The following OR51D1 variants were observed in gnomAD, a reference collection of about 807,000 sequenced individuals.
OR51D1 encodes the protein olfactory receptor 51D1.
For synonymous variants in OR51D1, 187 were observed against 161.1 expected, an observed-to-expected ratio of 1.16 and a Z score of -1.22; for missense variants, 452 against 396.2, an observed-to-expected ratio of 1.14 and a Z score of -1.20.
chr11:4,640,578 T>C lies in OR51D1; in HGVS notation c.788T>C (p.Val263Ala), dbSNP rs760377673. ...TCISHLCAVL[V>A]FYVPLIGLSV... The stretch of plus-strand genomic sequence containing the variant: ...ATCTCCCACCTCTGTGCTGTTCTGG[T>C]CTTCTATGTACCCCTCATTGGGCTC... The change falls in exon 2 of 2, where the codon GTC becomes GCC. Residue 263 changes from valine to alanine, a missense_variant. Val to Ala is a moderately conservative substitution (Grantham distance 64). Transcript: ENST00000641817. The C allele has an allele frequency of 1.2e-6, 2 of 1,613,708 alleles. No homozygotes were observed. Among genetic ancestry groups the C allele is most frequent in the Non-Finnish European group, 1.7e-6 (2 of 1,179,940 alleles).
intron 1 of OR51D1, among the ~76,000 whole-genome samples, chr11:4,638,495 C>T (rs1010746885): frequency 3.3e-5 from 5 of 152,136 alleles, no homozygotes; most frequent in African/African-American, 1.2e-4. Flanking sequence ...CCTGTGAACA[C>T]TGTGGAGTAA....
In OR51D1 at chr11:4,642,472, C is replaced by T. The variant is rs1000204942; in HGVS notation, c.*1707C>T. On this transcript the variant is annotated 3_prime_UTR_variant, in exon 2 of 2. Coordinates refer to ENST00000641817, the MANE Select transcript of OR51D1 (RefSeq NM_001004751.3). ...AGTTGGGAGGCTGAGGCAGGAGAAA[C>T]GCTTGAGCCCGCAAGGTGGAGGTTG... The T allele has an allele frequency of 6.1e-5, 9 of 147,678 alleles. No individual in the cohort carries two copies. Among genetic ancestry groups the T allele is most frequent in the Non-Finnish European group, 1.2e-4 (8 of 67,434 alleles). The allele number at this position is 147,678 out of a possible 1,614,324, so 9.1% of individuals were successfully genotyped here. A position where few individuals can be genotyped will look rare whatever the true frequency, so the allele number is the denominator to read the frequency against.
chr11:4,637,961 A>G (rs1200956104), intron 1 of OR51D1, among the ~76,000 whole-genome samples: 4 of 152,146 alleles, frequency 2.6e-5, no homozygotes, highest in Admixed American at 2.6e-4. Context: ...CTGGAAAGCT[A>G]TGGGAATCAC....
In OR51D1 at chr11:4,640,466, T is replaced by A. The variant is rs1381267143; in HGVS notation, c.676T>A (p.Phe226Ile). The change falls in exon 2 of 2, where the codon TTC becomes ATC. Residue 226 changes from phenylalanine (F) to isoleucine (I), a missense_variant. Coordinates refer to ENST00000641817, the MANE Select transcript of OR51D1 (RefSeq NM_001004751.3). ...CTCAGTCATGGGTGTGGACTCTCTC[T>A]TCATTGGCTTCTCATATATCCTCAT... ...ILSVMGVDSL[F>I]IGFSYILILW... is the part of the protein sequence containing the mutation. 6 of 1,614,144 alleles carry A rather than the reference T, an allele frequency of 3.7e-6. No individual in the cohort carries two copies. The highest frequency in any genetic ancestry group is 5.1e-6 in the Non-Finnish European group (6 of 1,180,018).
At position 4,642,351 on chromosome 11, in the gene OR51D1, T is replaced by C. The variant is rs1846978244; in HGVS notation, c.*1586T>C. 1 of 152,190 alleles carries C rather than the reference T, an allele frequency of 6.6e-6. No homozygotes were observed. Among genetic ancestry groups the C allele is most frequent in the African/African-American group, 2.4e-5 (1 of 41,418 alleles). 9.4% of individuals were successfully genotyped at this position (152,190 alleles called of 1,614,324 possible). Reference sequence around the variant, plus strand: ...TCACCTCTCCCTTCCCTTTTTGGCTTATCTGCCAAACATGTATAAAAGTCC... The same window carrying C: ...TCACCTCTCCCTTCCCTTTTTGGCTCATCTGCCAAACATGTATAAAAGTCC... On this transcript the variant is annotated 3_prime_UTR_variant, in exon 2 of 2. Coordinates refer to ENST00000641817, the MANE Select transcript of OR51D1 (RefSeq NM_001004751.3).
intron 1 of OR51D1, among the ~76,000 whole-genome samples, chr11:4,639,323 G>A (rs1249575280): frequency 6.6e-6 from 1 of 152,182 alleles, no homozygotes; most frequent in African/African-American, 2.4e-5. Flanking sequence ...AAAGTCAGCT[G>A]TAGACTGAGC....
rs1846972055 is a variant in OR51D1, at chr11:4,641,831, T to G, written c.*1066T>G. The G allele has an allele frequency of 6.6e-6, 1 of 152,398 alleles. No homozygotes were observed. The highest frequency in any genetic ancestry group is 1.5e-5 in the Non-Finnish European group (1 of 68,038). 9.4% of individuals were successfully genotyped at this position (152,398 alleles called of 1,614,324 possible). ...ATATGTGTTATTAGTTGTAAGTCGGTGAAATGTACATCTGAATTCTGTGTG... is the reference window on the plus strand; with the variant it reads ...ATATGTGTTATTAGTTGTAAGTCGGGGAAATGTACATCTGAATTCTGTGTG... On this transcript the variant is annotated 3_prime_UTR_variant, in exon 2 of 2. Transcript: ENST00000641817.
chr11:4,639,573 G>A (rs1846936035), intron 1 of OR51D1: 3 of 579,016 alleles, frequency 5.2e-6, no homozygotes. Flanking sequence ...CTGGGGCCTT[G>A]GAGGGTCAGG....
intron 1 of OR51D1, among the ~76,000 whole-genome samples, chr11:4,639,442 A>G (rs2133218697): frequency 6.6e-6 from 1 of 152,310 alleles, no homozygotes; most frequent in Non-Finnish European, 1.5e-5. Flanking sequence ...GGAAAAGGCT[A>G]AGAGCAGTGC....
chr11:4,639,093 G>T (rs1050172075), intron 1 of OR51D1, among the ~76,000 whole-genome samples: 1 of 152,302 alleles, frequency 6.6e-6, no homozygotes, highest in South Asian at 2.1e-4. Context: ...ACCTGGCGGG[G>T]CTTATTGTTT....
At position 4,640,712 on chromosome 11, in the gene OR51D1, A is replaced by T. The variant is rs1428669207; in HGVS notation, c.922A>T (p.Thr308Ser). 3.1e-6 allele frequency: 5 copies of T among 1,613,730 alleles called. No individual in the cohort carries two copies. Among genetic ancestry groups the T allele is most frequent in the Admixed American group, 3.3e-5 (2 of 59,996 alleles). Reference protein sequence around the residue: ...VVNPLVYGAKTKEICSRVLCM... With the variant: ...VVNPLVYGAKSKEICSRVLCM... ...CAACCCCCTTGTCTATGGAGCCAAG[A>T]CCAAAGAGATCTGTTCAAGGGTCCT... The change falls in exon 2 of 2, where the codon ACC becomes TCC. Residue 308 changes from threonine to serine, a missense_variant. Coordinates refer to ENST00000641817, the MANE Select transcript of OR51D1 (RefSeq NM_001004751.3).
At position 4,641,912 on chromosome 11, in the gene OR51D1, G is replaced by C. The variant is rs1846972833; in HGVS notation, c.*1147G>C. 6.6e-6 allele frequency: 1 copy of C among 152,416 alleles called. No homozygotes were observed. The highest frequency in any genetic ancestry group is 1.5e-5 in the Non-Finnish European group (1 of 68,044). 9.4% of individuals were successfully genotyped at this position (152,416 alleles called of 1,614,324 possible). A position where few individuals can be genotyped will look rare whatever the true frequency, so the allele number is the denominator to read the frequency against. Reference sequence around the variant, plus strand: ...CATATGTCTAGTGTATATGTTTTAAGGCAAACTTTCTTTGTGTGTTGGGTG... The same window carrying C: ...CATATGTCTAGTGTATATGTTTTAACGCAAACTTTCTTTGTGTGTTGGGTG... On this transcript the variant is annotated 3_prime_UTR_variant, in exon 2 of 2. Transcript: ENST00000641817.
rs1430310711 is a variant in OR51D1 at position 4,639,931 on chromosome 11, G to T, written c.141G>T (p.Met47Ile). ...HFWLAFPLCF[M>I]YALATLGNLT... is the part of the protein sequence containing the mutation. ...GGCTGGCTTTCCCACTGTGTTTTAT[G>T]TATGCCTTGGCCACCCTGGGTAACC... The change falls in exon 2 of 2, where the codon ATG becomes ATT. Residue 47 changes from methionine (M) to isoleucine (I), a missense_variant. Met to Ile is a conservative substitution (Grantham distance 10, BLOSUM62 1). Coordinates refer to ENST00000641817, the MANE Select transcript of OR51D1 (RefSeq NM_001004751.3). 8.7e-6 allele frequency: 14 copies of T among 1,614,168 alleles called. No homozygotes were observed. The highest frequency in any genetic ancestry group is 1.7e-5 in the Admixed American group (1 of 60,016).
At position 4,640,768 on chromosome 11, in the gene OR51D1, C is replaced by T. The variant is rs766662839; in HGVS notation, c.*3C>T. The T allele has an allele frequency of 4.4e-6, 7 of 1,604,586 alleles. No homozygotes were observed. On this transcript the variant is annotated 3_prime_UTR_variant, in exon 2 of 2. Transcript: ENST00000641817. ...TGTTCTCACAAGGTGGCAAGTGAGA[C>T]ACCTTAGTGTCTCGCTTCTACTACT... is the stretch of plus-strand genomic sequence containing the variant.
At chr11:4,638,442 G>A (rs907228859) in intron 1 of OR51D1, among the ~76,000 whole-genome samples, 3 of 151,546 alleles carry the variant, frequency 2.0e-5, no homozygotes, top group Non-Finnish European at 2.9e-5. Flanking sequence ...CTGGGACGTT[G>A]TGTGATCACC....
intron 1 of OR51D1, among the ~76,000 whole-genome samples, chr11:4,639,455 TGGGCAGCAACA>T (rs1846934331): frequency 1.3e-5 from 2 of 152,226 alleles, no homozygotes; most frequent in African/African-American, 4.8e-5. Flanking sequence ...AGCAGTGCCC[TGGGCAGCAACA>T]TCAGCTCTGA....
chr11:4,640,480 A>G lies in OR51D1; in HGVS notation c.690A>G (p.Ser230=), dbSNP rs763929505. The G allele has an allele frequency of 3.7e-6, 6 of 1,613,118 alleles. No individual in the cohort carries two copies. The highest frequency in any genetic ancestry group is 3.3e-5 in the South Asian group (3 of 91,032). The change falls in exon 2 of 2, where the codon TCA becomes TCG. Residue 230 remains serine (S), a synonymous_variant. Transcript: ENST00000641817. ...MGVDSLFIGF[S]YILILWAVLE... ...TGGACTCTCTCTTCATTGGCTTCTC[A>G]TATATCCTCATCCTGTGGGCTGTTT... is the stretch of plus-strand genomic sequence containing the variant.
chr11:4,641,011 A>G lies in OR51D1; in HGVS notation c.*246A>G, dbSNP rs1846962073. 1 of 434,582 alleles carries G rather than the reference A, an allele frequency of 2.3e-6. No homozygotes were observed. The highest frequency in any genetic ancestry group is 4.1e-6 in the Non-Finnish European group (1 of 241,936). 26.9% of individuals were successfully genotyped at this position (434,582 alleles called of 1,614,324 possible). On this transcript the variant is annotated 3_prime_UTR_variant, in exon 2 of 2. Coordinates refer to ENST00000641817, the MANE Select transcript of OR51D1 (RefSeq NM_001004751.3). ...CTTGCCTTCTCCTTCTCTCTCAGCT[A>G]GAAAATACATCTAGTTTTGACATGG...
At chr11:4,639,402 T>C (rs1023895585) in intron 1 of OR51D1, among the ~76,000 whole-genome samples, 1 of 152,164 alleles carries the variant, frequency 6.6e-6, no homozygotes, top group Admixed American at 6.5e-5. Flanking sequence ...TGTGGACCAT[T>C]CTGAGCAATC....
Sources: allele counts gnomAD v4.1 joint callset (sites outside exome capture counted in the v4.1 genomes callset), GRCh38; gene constraint gnomAD v4.1.1; transcripts MANE v1.5; gene names NCBI Gene and HGNC (gene_info 2026-07-23, HGNC 2026-07-21).